The following PTPRT variants were observed in gnomAD, a reference collection of about 807,000 sequenced individuals.
The protein encoded by PTPRT is receptor-type tyrosine-protein phosphatase T.
In PTPRT, 56 loss-of-function variants were observed where a neutral mutation model predicts 176.8. The ratio of observed to expected loss-of-function variants is 0.32; its 90% CI spans 0.26 to 0.40. The LOEUF (loss-of-function observed/expected upper bound fraction) is 0.40, where lower values mean the gene tolerates loss of function less well. Among genes scored for constraint, PTPRT ranks in the 10% least tolerant of loss-of-function variants. The probability of loss-of-function intolerance (pLI) is 1.00; values close to 1 mark genes in which losing one functional copy is unlikely to be tolerated. For synonymous variants in PTPRT, 783 were observed against 739.0 expected (o/e 1.06, Z -0.96); for missense variants, 1,540 against 1,908.2 (o/e 0.81, Z 3.60).
At chr20:42,141,380 C>T (rs1248539658) in intron 18 of PTPRT, among the ~76,000 whole-genome samples, 1 of 152,216 alleles carries the variant, frequency 6.6e-6, no homozygotes, top group Non-Finnish European at 1.5e-5. Flanking sequence ...GCCTTTACTT[C>T]CAAGCATCAG....
In PTPRT at chr20:42,329,496, C is replaced by CAT. The variant is rs1252288395; in HGVS notation, c.1866-13501_1866-13500insAT. Among the ~76,000 whole-genome samples, 1,321 of 142,590 alleles carry CAT rather than the reference C, an allele frequency of 9.3e-3. 6 individuals are homozygous for CAT. The highest frequency in any genetic ancestry group is 0.043 in the East Asian group (214 of 4,992). The allele number at this position is 142,590 out of a possible 152,430, so 93.5% of individuals were successfully genotyped here. On this transcript the variant is annotated intron_variant, in intron 11 of 30. Coordinates refer to ENST00000373187, the MANE Select transcript of PTPRT (RefSeq NM_007050.6). The stretch of plus-strand genomic sequence containing the variant: ...TGGCACACACACACACACACACACA[C>CAT]ACACACATACACACACACACACACA...
intron 2 of PTPRT, among the ~76,000 whole-genome samples, chr20:42,834,974 C>A (rs2078156399): frequency 6.6e-6 from 1 of 152,060 alleles, no homozygotes; most frequent in Admixed American, 6.6e-5. Context: ...TTATTTTTTA[C>A]CTTCAAATAT....
chr20:43,067,124 A>G (rs2011119079), intron 1 of PTPRT, among the ~76,000 whole-genome samples: 1 of 152,260 alleles, frequency 6.6e-6, no homozygotes, highest in African/African-American at 2.4e-5. Context: ...TGGCATAGCC[A>G]TATGAAATAT....
At chr20:42,949,631 C>G (rs1395749607) in intron 1 of PTPRT, among the ~76,000 whole-genome samples, 1 of 152,152 alleles carries the variant, frequency 6.6e-6, no homozygotes, top group South Asian at 2.1e-4. Flanking sequence ...TGGAGACAAA[C>G]TTTTCCAATG....
intron 2 of PTPRT, among the ~76,000 whole-genome samples, chr20:42,798,533 T>C (rs1022223616): frequency 3.9e-5 from 6 of 152,086 alleles, no homozygotes; most frequent in African/African-American, 1.4e-4. Context: ...ATGAAAGCAA[T>C]CTAATTATCA....
intron 13 of PTPRT, among the ~76,000 whole-genome samples, chr20:42,282,050 C>A (rs2057148109): frequency 1.3e-5 from 2 of 152,020 alleles, no homozygotes; most frequent in Non-Finnish European, 2.9e-5. Context: ...ACTAAAGGCC[C>A]CAGTACTAAT....
intron 7 of PTPRT, among the ~76,000 whole-genome samples, chr20:42,555,111 C>A (rs2072837243): frequency 6.6e-6 from 1 of 152,132 alleles, no homozygotes. Context: ...TCCAATGTGA[C>A]CTTCAGAATA....
At chr20:42,354,032 TGAGA>T (rs992944555) in intron 9 of PTPRT, among the ~76,000 whole-genome samples, 1 of 151,754 alleles carries the variant, frequency 6.6e-6, no homozygotes, top group African/African-American at 2.4e-5. Flanking sequence ...TTAGCCTGGG[TGAGA>T]GAGAGAGACC....
chr20:42,522,827 T>C (rs1465074385), intron 7 of PTPRT, among the ~76,000 whole-genome samples: 1 of 152,196 alleles, frequency 6.6e-6, no homozygotes, highest in Non-Finnish European at 1.5e-5. Context: ...CCCATTTATA[T>C]GAAATTGGTT....
At chr20:42,739,314 G>A (rs2076575500) in intron 6 of PTPRT, among the ~76,000 whole-genome samples, 1 of 152,068 alleles carries the variant, frequency 6.6e-6, no homozygotes, top group South Asian at 2.1e-4. Flanking sequence ...GGATTTACAG[G>A]GAATGAGAAG....
intron 16 of PTPRT, among the ~76,000 whole-genome samples, chr20:42,168,905 A>G (rs1989953619): frequency 1.3e-5 from 2 of 152,182 alleles, no homozygotes; most frequent in Non-Finnish European, 2.9e-5. Context: ...ACCTTTTCCC[A>G]TCTTTCTTAT....
intron 14 of PTPRT, among the ~76,000 whole-genome samples, chr20:42,239,179 T>TG (rs1555806545): frequency 1.3e-5 from 2 of 152,146 alleles, no homozygotes; most frequent in African/African-American, 4.8e-5. Flanking sequence ...TCTTTAGGAA[T>TG]AATAAAATAT....
intron 1 of PTPRT, among the ~76,000 whole-genome samples, chr20:43,180,686 C>G (rs984498631): frequency 2.6e-5 from 4 of 152,104 alleles, no homozygotes; most frequent in African/African-American, 7.2e-5. Context: ...TGGTCTCGAA[C>G]TACTAACCTC....
intron 7 of PTPRT, among the ~76,000 whole-genome samples, chr20:42,637,597 C>T (rs1413714674): frequency 6.6e-6 from 1 of 152,110 alleles, no homozygotes; most frequent in African/African-American, 2.4e-5. Context: ...TCCACAGTTC[C>T]CCTTTCATTA....
chr20:42,149,045 C>A (rs1247154880), intron 17 of PTPRT, among the ~76,000 whole-genome samples: 3 of 152,224 alleles, frequency 2.0e-5, no homozygotes, highest in Non-Finnish European at 4.4e-5. Flanking sequence ...CAGGAATGCA[C>A]ACTTCCAGGT....
intron 7 of PTPRT, among the ~76,000 whole-genome samples, chr20:42,627,739 A>C (rs2074319587): frequency 6.6e-6 from 1 of 151,580 alleles, no homozygotes; most frequent in Non-Finnish European, 1.5e-5. Context: ...GAGTAGTTTT[A>C]TTTCCTGTCT....
At chr20:42,883,401 G>GA (rs1376081597) in intron 2 of PTPRT, among the ~76,000 whole-genome samples, 1 of 151,990 alleles carries the variant, frequency 6.6e-6, no homozygotes, top group Non-Finnish European at 1.5e-5. Flanking sequence ...GTAAGAGAGA[G>GA]AAAAAAGAGA....
intron 1 of PTPRT, among the ~76,000 whole-genome samples, chr20:42,944,595 C>CG (rs1980764686): frequency 6.6e-6 from 1 of 152,182 alleles, no homozygotes; most frequent in Non-Finnish European, 1.5e-5. Context: ...ACAAGCCACA[C>CG]GTTCTCCCAG....
chr20:42,912,240 G>A (rs1978445313), intron 1 of PTPRT, among the ~76,000 whole-genome samples: 1 of 151,934 alleles, frequency 6.6e-6, no homozygotes, highest in Non-Finnish European at 1.5e-5. Context: ...TTTAATCATT[G>A]TCATTTGTCA....
Sources: gnomAD v4.1 joint callset for allele counts (sites outside exome capture counted in the v4.1 genomes callset) on GRCh38, gnomAD v4.1.1 for gene constraint, MANE v1.5 for transcripts, NCBI Gene and HGNC (gene_info 2026-07-23, HGNC 2026-07-21) for gene names.